EXOG: variants seen among roughly 807,000 people sequenced by gnomAD.
EXOG encodes the protein nuclease EXOG, mitochondrial.
Under a neutral mutation model 25.8 loss-of-function variants are expected in EXOG, and 27 were observed. The observed-to-expected ratio is 1.05, with a 90% CI of 0.77 to 1.45. The LOEUF (loss-of-function observed/expected upper bound fraction) is 1.45. EXOG is among the 40% of genes most tolerant of loss of function. The probability of loss-of-function intolerance (pLI) is 0.00; values close to 1 mark genes in which losing one functional copy is unlikely to be tolerated. For missense variants in EXOG, 458 were observed against 450.5 expected (o/e 1.02, Z -0.15); for synonymous variants, 133 against 167.0 (o/e 0.80, Z 1.57).
chr3:38,523,926 T>A lies in EXOG; in HGVS notation c.671T>A (p.Val224Asp). The A allele has an allele frequency of 6.4e-7, 1 of 1,555,524 alleles. No homozygotes were observed. Among genetic ancestry groups the A allele is most frequent in the Non-Finnish European group, 8.7e-7 (1 of 1,151,002 alleles). Residue 224 changes from valine to aspartate, a missense_variant, in exon 6 of 6, where the codon GTC (valine) becomes GAC (aspartate). By Grantham distance (152) the Val-to-Asp change is radical. This residue lies in a region of EXOG where 178 missense variants were observed against 203.7 expected (regional missense o/e 0.87). Transcript: ENST00000287675. ...YQVIGEDNVA[V>D]PSHLYKVILA... ...GTGATTGGCGAGGACAACGTGGCAGTCCCCTCACACCTTTATAAGGTAATC... is the reference window on the plus strand; with the variant it reads ...GTGATTGGCGAGGACAACGTGGCAGACCCCTCACACCTTTATAAGGTAATC...
chr3:38,497,748 C>T lies in EXOG; in HGVS notation c.283C>T (p.Leu95Phe), dbSNP rs368410145. ...GGCAAAGCGGGTGCCTAGATGGGTT[C>T]TTGAACATATTTCCAAAAGCAAGAT... The part of the protein sequence containing the change: ...DQAKRVPRWV[L>F]EHISKSKIMG... The change falls in exon 2 of 6, where the codon CTT becomes TTT. Residue 95 changes from leucine to phenylalanine, a missense_variant. Physicochemically the swap from Leu to Phe is conservative, Grantham distance 22 (BLOSUM62 0). Transcript: ENST00000287675. 57 of 1,601,806 alleles carry T rather than the reference C, an allele frequency of 3.6e-5. No homozygotes were observed. The highest frequency in any genetic ancestry group is 4.8e-5 in the Non-Finnish European group (56 of 1,177,310).
intron 3 of EXOG, among the ~76,000 whole-genome samples, chr3:38,501,796 A>C (rs891349936): frequency 6.6e-6 from 1 of 152,216 alleles, no homozygotes; most frequent in Non-Finnish European, 1.5e-5. Context: ...CCCAGGTCGG[A>C]GCACAGTGGC....
intron 5 of EXOG, among the ~76,000 whole-genome samples, chr3:38,508,718 C>CA (rs1553684602): frequency 2.0e-5 from 3 of 149,478 alleles, no homozygotes; most frequent in Non-Finnish European, 3.0e-5. Flanking sequence ...ACCACCCCCC[C>CA]CCCAAAAAAA....
chr3:38,499,630 T>G (rs1227934567), intron 2 of EXOG: 1 of 453,778 alleles, frequency 2.2e-6, no homozygotes, highest in Non-Finnish European at 4.4e-6. Context: ...AGTGTATATC[T>G]GTATTTTTTT....
chr3:38,512,943 T>G (rs763724359), intron 5 of EXOG, among the ~76,000 whole-genome samples: 14 of 152,138 alleles, frequency 9.2e-5, no homozygotes, highest in Non-Finnish European at 1.8e-4. Context: ...ACTACAGGCA[T>G]GCACCACCAT....
Position 38,526,162 on chromosome 3 carries a change from G to T in EXOG, c.*1800G>T, listed in dbSNP as rs1371086784. ...CTATCCTGAGTATTGTCAGTAAAAC[G>T]TCTTGGGGCATAAGAACTTGTCTGA... On this transcript the variant is annotated 3_prime_UTR_variant, in exon 6 of 6. Coordinates refer to ENST00000287675, the MANE Select transcript of EXOG (RefSeq NM_005107.4). The T allele has an allele frequency of 1.6e-5, 16 of 985,178 alleles. No homozygotes were observed. The African/African-American group carries it at 2.8e-4, about 17-fold the overall frequency. 61.0% of individuals were successfully genotyped at this position (985,178 alleles called of 1,614,324 possible).
rs1451732891 is a variant in EXOG, at chr3:38,525,137, A to G, written c.*775A>G. 1 of 926,516 alleles carries G rather than the reference A, an allele frequency of 1.1e-6. No individual in the cohort carries two copies. 57.4% of individuals were successfully genotyped at this position (926,516 alleles called of 1,614,324 possible). A position where few individuals can be genotyped will look rare whatever the true frequency, so the allele number is the denominator to read the frequency against. On this transcript the variant is annotated 3_prime_UTR_variant, in exon 6 of 6. Coordinates refer to ENST00000287675, the MANE Select transcript of EXOG (RefSeq NM_005107.4). ...TTCTATATACTAGGCTCAGTGCTTT[A>G]CATGTGTTGTCTCACAATGACTCTC...
intron 5 of EXOG, among the ~76,000 whole-genome samples, chr3:38,519,922 A>T (rs1342201801): frequency 1.3e-5 from 2 of 152,128 alleles, no homozygotes; most frequent in Non-Finnish European, 1.5e-5. Context: ...TTTCCTGTTT[A>T]TCAAACTCCC....
Position 38,496,470 on chromosome 3 carries a change from G to T in EXOG, c.103G>T (p.Ala35Ser). ...GGGCGCTGCGGGAGCTGGGCTCGCG[G>T]CCCTGCAGTTCTTCCGGAGTCAGGG... ...VVGAAGAGLAALQFFRSQGAE... is the reference protein window; with the variant it reads ...VVGAAGAGLASLQFFRSQGAE... Residue 35 changes from alanine (A) to serine (S), a missense_variant, in exon 1 of 6, where the codon GCC becomes TCC. By Grantham distance (99) the Ala-to-Ser change is moderately conservative. Coordinates refer to ENST00000287675, the MANE Select transcript of EXOG (RefSeq NM_005107.4). The T allele has an allele frequency of 6.2e-7, 1 of 1,613,974 alleles. No homozygotes were observed. The highest frequency in any genetic ancestry group is 2.2e-5 in the East Asian group (1 of 44,868).
chr3:38,502,957 C>A (rs917696748), intron 3 of EXOG, among the ~76,000 whole-genome samples: 1 of 152,156 alleles, frequency 6.6e-6, no homozygotes, highest in Non-Finnish European at 1.5e-5. Context: ...GATGCCCAGA[C>A]CTGAACCTCA....
intron 5 of EXOG, among the ~76,000 whole-genome samples, chr3:38,508,053 C>G (rs947776990): frequency 6.6e-6 from 1 of 152,102 alleles, no homozygotes; most frequent in Non-Finnish European, 1.5e-5. Flanking sequence ...ATCGCTTGAA[C>G]CCAGGAGGCG....
intron 2 of EXOG, 167 bp from the exon 3 acceptor site, chr3:38,501,188 T>C: frequency 1.7e-6 from 1 of 596,442 alleles, no homozygotes; most frequent in Non-Finnish European, 3.0e-6. Flanking sequence ...CTTTCTAAAT[T>C]CAGATGAAGT....
Position 38,524,043 on chromosome 3 carries a change from C to G in EXOG, c.788C>G (p.Thr263Ser), listed in dbSNP as rs1486034583. 8 of 1,614,078 alleles carry G rather than the reference C, an allele frequency of 5.0e-6. No homozygotes were observed. The African/African-American group carries it at 8.0e-5, about 16-fold the overall frequency. ...NEAIGFQPQL[T>S]EFQVSLQDLE... ...GCCATCGGCTTCCAGCCCCAGTTAA[C>G]TGAATTCCAAGTGAGCCTCCAGGAC... is the stretch of plus-strand genomic sequence containing the variant. The change falls in exon 6 of 6, where the codon ACT becomes AGT. Residue 263 changes from threonine to serine, a missense_variant. Transcript: ENST00000287675.
chr3:38,499,077 C>CT, intron 2 of EXOG: 1 of 414,246 alleles, frequency 2.4e-6, no homozygotes, highest in Non-Finnish European at 4.8e-6. Flanking sequence ...GTGAATTAGT[C>CT]TTTTTTGGTA....
chr3:38,524,154 A>G lies in EXOG; in HGVS notation c.899A>G (p.Lys300Arg), dbSNP rs1401147850. Reference protein sequence around the residue: ...IRNICSVDTCKLLDFQEFTLY... With the variant: ...IRNICSVDTCRLLDFQEFTLY... ...AATATCTGCTCTGTGGACACCTGTA[A>G]GCTCCTGGATTTCCAGGAGTTCACC... Residue 300 changes from lysine (K) to arginine (R), a missense_variant, in exon 6 of 6, where the codon AAG becomes AGG. Lys to Arg is a conservative substitution (Grantham distance 26). Coordinates refer to ENST00000287675, the MANE Select transcript of EXOG (RefSeq NM_005107.4). The G allele has an allele frequency of 3.1e-6, 5 of 1,614,196 alleles. No homozygotes were observed. The highest frequency in any genetic ancestry group is 2.2e-5 in the East Asian group (1 of 44,882).
At chr3:38,498,111 C>A in intron 2 of EXOG, 1 of 221,692 alleles carries the variant, frequency 4.5e-6, no homozygotes, top group Non-Finnish European at 8.8e-6. Flanking sequence ...CCCTTGGGGA[C>A]CTATGTGTGA....
chr3:38,503,535 T>C, intron 3 of EXOG, 80 bp from the exon 4 acceptor site: 1 of 804,850 alleles, frequency 1.2e-6, no homozygotes, highest in East Asian at 2.5e-5. Flanking sequence ...TAAGAAAGTG[T>C]TTTTCTGTGT....
rs751984250 is a variant in EXOG at position 38,524,037 on chromosome 3, A to G, written c.782A>G (p.Gln261Arg). Residue 261 changes from glutamine to arginine, a missense_variant, in exon 6 of 6, where the codon CAG (glutamine) becomes CGG (arginine). Around this residue, in one of 3 missense-constraint regions of EXOG, gnomAD observed 178 missense variants for 203.7 expected, o/e 0.87. Coordinates refer to ENST00000287675, the MANE Select transcript of EXOG (RefSeq NM_005107.4). ...AATGAAGCCATCGGCTTCCAGCCCCAGTTAACTGAATTCCAAGTGAGCCTC... is the reference window on the plus strand; with the variant it reads ...AATGAAGCCATCGGCTTCCAGCCCCGGTTAACTGAATTCCAAGTGAGCCTC... ...VPNEAIGFQPQLTEFQVSLQD... is the reference protein window; with the variant it reads ...VPNEAIGFQPRLTEFQVSLQD... 1.2e-6 allele frequency: 2 copies of G among 1,614,078 alleles called. No homozygotes were observed. Among genetic ancestry groups the G allele is most frequent in the Non-Finnish European group, 1.7e-6 (2 of 1,180,038 alleles).
chr3:38,503,946 C>T (rs1361428052), intron 4 of EXOG, among the ~76,000 whole-genome samples: 2 of 152,160 alleles, frequency 1.3e-5, no homozygotes, highest in African/African-American at 4.8e-5. Flanking sequence ...AAAGAAATGA[C>T]TCAAAATAAT....
Sources: allele counts gnomAD v4.1 joint callset (sites outside exome capture counted in the v4.1 genomes callset), GRCh38; gene constraint gnomAD v4.1.1; regional missense constraint gnomAD v4.1.1; transcripts MANE v1.5; gene names NCBI Gene and HGNC (gene_info 2026-07-23, HGNC 2026-07-21).